The following COPS4 variants were observed in gnomAD, a reference collection of about 807,000 sequenced individuals.
COPS4 encodes the protein COP9 signalosome complex subunit 4.
A neutral mutation model predicts 55.1 loss-of-function variants in COPS4; 8 were observed. That is an observed-to-expected ratio of 0.15 (90% CI 0.09 to 0.26). The LOEUF (loss-of-function observed/expected upper bound fraction) is 0.26, where lower values mean the gene tolerates loss of function less well. Ranked by LOEUF, COPS4 falls within the 10% of genes least tolerant of loss-of-function variation. COPS4 has a pLI of 1.00. For synonymous variants in COPS4, 185 were observed against 165.7 expected, an observed-to-expected ratio of 1.12 and a Z score of -0.90; for missense variants, 248 against 484.0, an observed-to-expected ratio of 0.51 and a Z score of 4.58.
chr4:83,059,489 T>A (rs1731103994), intron 6 of COPS4, among the ~76,000 whole-genome samples: 1 of 152,150 alleles, frequency 6.6e-6, no homozygotes, highest in South Asian at 2.1e-4. Flanking sequence ...AGAAATTAAA[T>A]GAGTAATTTA....
intron 8 of COPS4, 76 bp from the exon 9 acceptor site, chr4:83,068,362 C>G (rs1006388469): frequency 3.2e-6 from 3 of 939,036 alleles, no homozygotes; most frequent in African/African-American, 3.3e-5. Context: ...AAACCAGAAG[C>G]TTTCTGTTCT....
intron 1 of COPS4, among the ~76,000 whole-genome samples, chr4:83,038,608 T>G (rs140010787): frequency 9.8e-4 from 137 of 139,304 alleles, no homozygotes; most frequent in African/African-American, 3.6e-3. Context: ...CTAAAAATTA[T>G]ATTAGCACTT....
At chr4:83,067,517 C>G (rs1640987516) in intron 8 of COPS4, among the ~76,000 whole-genome samples, 1 of 142,202 alleles carries the variant, frequency 7.0e-6, no homozygotes, top group Non-Finnish European at 1.5e-5. Context: ...AGTCACCACG[C>G]CCAGCCCTTT....
In COPS4 at chr4:83,049,951, T is replaced by C; in HGVS notation, c.377T>C (p.Val126Ala). 1.2e-6 allele frequency: 2 copies of C among 1,611,410 alleles called. No homozygotes were observed. The highest frequency in any genetic ancestry group is 8.5e-7 in the Non-Finnish European group (1 of 1,178,724). Residue 126 changes from valine to alanine, a missense_variant, in exon 4 of 10, where the codon GTG becomes GCG. Transcript: ENST00000264389. Reference sequence around the variant, plus strand: ...GAAGATTGGAGAAATGCAGCCCAAGTGTTGGTGGGAATTCCTTTGGAAACA... The same window carrying C: ...GAAGATTGGAGAAATGCAGCCCAAGCGTTGGTGGGAATTCCTTTGGAAACA... Reference protein sequence around the residue: ...KEEDWRNAAQVLVGIPLETGQ... With the variant: ...KEEDWRNAAQALVGIPLETGQ...
chr4:83,035,387 G>T, intron 1 of COPS4, 89 bp downstream of exon 1: 2 of 1,124,702 alleles, frequency 1.8e-6, no homozygotes, highest in South Asian at 1.3e-5. Context: ...GCTCTTGGGC[G>T]TGAAGCTAGG....
At chr4:83,047,783 G>A (rs886718111) in intron 2 of COPS4, among the ~76,000 whole-genome samples, 3 of 152,080 alleles carry the variant, frequency 2.0e-5, no homozygotes, top group African/African-American at 4.8e-5. Context: ...GGCGGATCAC[G>A]AGGTCAGGAG....
At chr4:83,073,956 C>A (rs971589106) in intron 9 of COPS4, among the ~76,000 whole-genome samples, 88 of 144,462 alleles carry the variant, frequency 6.1e-4, no homozygotes, top group African/African-American at 6.1e-4. Flanking sequence ...GACTCCGTCT[C>A]AAAAAAAAAA....
intron 6 of COPS4, among the ~76,000 whole-genome samples, chr4:83,061,990 A>G (rs149192081): frequency 1.1e-3 from 162 of 152,326 alleles, no homozygotes; most frequent in African/African-American, 3.7e-3. Context: ...ATGGACTACC[A>G]AGATATGGAC....
At chr4:83,072,239 C>T (rs540016257) in intron 9 of COPS4, among the ~76,000 whole-genome samples, 1 of 151,820 alleles carries the variant, frequency 6.6e-6, no homozygotes, top group Non-Finnish European at 1.5e-5. Flanking sequence ...CACGCACCAC[C>T]ACGCTCATGC....
At position 83,072,755 on chromosome 4, in the gene COPS4, T is replaced by C. The variant is rs534071714; in HGVS notation, c.1088-2542T>C. ...GACATATCTGATTAGGTTCCACATA[T>C]ATGTTTGCATCTATTTCTGTACTCT... On this transcript the variant is annotated intron_variant, in intron 9 of 9. Transcript: ENST00000264389. Among the ~76,000 whole-genome samples the C allele has an allele frequency of 3.9e-5, 6 of 152,356 alleles. No homozygotes were observed. The East Asian group carries it at 7.7e-4, about 20-fold the overall frequency.
chr4:83,058,127 C>T (rs908865557), intron 6 of COPS4, among the ~76,000 whole-genome samples: 1 of 150,792 alleles, frequency 6.6e-6, no homozygotes, highest in African/African-American at 2.4e-5. Flanking sequence ...TTATCCTTTT[C>T]TTCAATACGT....
intron 1 of COPS4, 103 bp downstream of exon 1, chr4:83,035,401 C>G (rs978434254): frequency 3.1e-6 from 3 of 983,250 alleles, no homozygotes; most frequent in South Asian, 1.4e-5. Flanking sequence ...AGCTAGGAGC[C>G]GGCCTGACGT....
intron 4 of COPS4, among the ~76,000 whole-genome samples, chr4:83,051,333 G>A (rs1730885076): frequency 6.6e-6 from 1 of 152,090 alleles, no homozygotes; most frequent in Non-Finnish European, 1.5e-5. Context: ...GCTGAGGCGA[G>A]AGGATTGTGT....
chr4:83,054,915 A>G (rs1345200797), intron 4 of COPS4, among the ~76,000 whole-genome samples: 1 of 152,232 alleles, frequency 6.6e-6, no homozygotes, highest in Non-Finnish European at 1.5e-5. Flanking sequence ...AGTAATCGAT[A>G]TAATAGTTAC....
intron 3 of COPS4, 69 bp downstream of exon 3, chr4:83,049,386 A>T: frequency 7.3e-7 from 1 of 1,363,084 alleles, no homozygotes; most frequent in Non-Finnish European, 1.0e-6. Context: ...TGATATTAGT[A>T]AATTCTTAAA....
intron 6 of COPS4, among the ~76,000 whole-genome samples, chr4:83,062,372 A>G (rs532252415): frequency 1.3e-5 from 2 of 152,302 alleles, no homozygotes; most frequent in South Asian, 2.1e-4. Context: ...TGTGGATTCC[A>G]TGTTTCTGAA....
At chr4:83,042,999 T>C (rs10034201) in intron 1 of COPS4, among the ~76,000 whole-genome samples, 150,688 of 151,318 alleles carry the variant, frequency 1, 75,030 homozygotes, top group Middle Eastern at 1. Flanking sequence ...ATCTACTTTC[T>C]TTGGCCTCCC....
At chr4:83,042,494 A>C (rs1183255691) in intron 1 of COPS4, among the ~76,000 whole-genome samples, 4 of 148,996 alleles carry the variant, frequency 2.7e-5, no homozygotes, top group African/African-American at 9.8e-5. Flanking sequence ...ACAGTGCTGT[A>C]CCTCACTTTT....
intron 8 of COPS4, 99 bp downstream of exon 8, chr4:83,066,652 C>T (rs1731300127): frequency 1.6e-6 from 1 of 617,592 alleles, no homozygotes; most frequent in African/African-American, 1.9e-5. Flanking sequence ...CATTTATTAT[C>T]TTCCAACAAA....
Sources: allele counts gnomAD v4.1 joint callset (sites outside exome capture counted in the v4.1 genomes callset), GRCh38; gene constraint gnomAD v4.1.1; transcripts MANE v1.5; gene names NCBI Gene and HGNC (gene_info 2026-07-23, HGNC 2026-07-21).